MSRA: variants seen among roughly 807,000 people sequenced by gnomAD.
The protein encoded by MSRA is methionine sulfoxide reductase A, also known as mitochondrial peptide methionine sulfoxide reductase.
In MSRA, 54 loss-of-function variants were observed where a neutral mutation model predicts 31.3. The ratio of observed to expected loss-of-function variants is 1.73; its 90% CI spans 1.39 to 2.17. MSRA has a LOEUF of 2.17. Ranked by LOEUF, MSRA falls within the 30% of genes most tolerant of loss-of-function variation. The pLI is 0.00. For missense variants in MSRA, 507 were observed against 300.9 expected, an observed-to-expected ratio of 1.69 and a Z score of -5.07; for synonymous variants, 169 against 116.5, an observed-to-expected ratio of 1.45 and a Z score of -2.90.
chr8:10,215,153 A>G (rs1809875427), intron 2 of MSRA, among the ~76,000 whole-genome samples: 1 of 152,196 alleles, frequency 6.6e-6, no homozygotes, highest in South Asian at 2.1e-4. Flanking sequence ...TTGTATAGAG[A>G]TCACTTATCC....
At chr8:10,358,114 A>G (rs898877840) in intron 5 of MSRA, among the ~76,000 whole-genome samples, 1 of 152,034 alleles carries the variant, frequency 6.6e-6, no homozygotes, top group African/African-American at 2.4e-5. Context: ...TCATTAGTGG[A>G]GACGGGGTTT....
chr8:10,127,471 G>T (rs1278863436), intron 1 of MSRA, among the ~76,000 whole-genome samples: 1 of 152,174 alleles, frequency 6.6e-6, no homozygotes. Context: ...ATCCTTGTTT[G>T]CATAACCTAC....
In MSRA at chr8:10,132,180, G is replaced by A. The variant is rs146305468; in HGVS notation, c.143-75653G>A. 1.6e-3 allele frequency among the ~76,000 whole-genome samples: 241 copies of A among 152,290 alleles called. 2 individuals are homozygous for A. The highest frequency in any genetic ancestry group is 0.011 in the Admixed American group (173 of 15,288). ...CAATGAGGTGATATTGGTCCTGATC[G>A]TTCTGTAAATTGGAGATTTTGCCCG... On this transcript the variant is annotated intron_variant, in intron 1 of 5. Coordinates refer to ENST00000317173, the MANE Select transcript of MSRA (RefSeq NM_012331.5).
chr8:10,366,408 C>T (rs1805169369), intron 5 of MSRA, among the ~76,000 whole-genome samples: 1 of 152,262 alleles, frequency 6.6e-6, no homozygotes, highest in Non-Finnish European at 1.5e-5. Context: ...GGCCCTGAGC[C>T]AGGCCTTGTG....
intron 5 of MSRA, among the ~76,000 whole-genome samples, chr8:10,357,944 T>A (rs1804604714): frequency 6.6e-6 from 1 of 152,204 alleles, no homozygotes; most frequent in Non-Finnish European, 1.5e-5. Context: ...TTTTTTGAAA[T>A]GGAGTTTTAC....
rs553139290 is a variant in MSRA, at chr8:10,305,157, G to A, written c.436+3519G>A. Among the ~76,000 whole-genome samples the A allele has an allele frequency of 3.8e-4, 58 of 152,254 alleles. No homozygotes were observed. The South Asian group carries it at 5.2e-3, about 14-fold the overall frequency. On this transcript the variant is annotated intron_variant, in intron 4 of 5. Transcript: ENST00000317173. ...TAAATTTTTTTGGTTATAATTCACT[G>A]CATTTTATAGGAGAAGCAGTATCTA...
At position 10,428,226 on chromosome 8, in the gene MSRA, C is replaced by A. The variant is rs755860421; in HGVS notation, c.622C>A (p.His208Asn). The change falls in exon 6 of 6, where the codon CAC becomes AAC. Residue 208 changes from histidine to asparagine, a missense_variant. His to Asn is a moderately conservative substitution (Grantham distance 68). Transcript: ENST00000317173. ...GQTFYYAEDYHQQYLSKNPNG... is the reference protein window; with the variant it reads ...GQTFYYAEDYNQQYLSKNPNG... The stretch of plus-strand genomic sequence containing the variant: ...GACTTTCTACTATGCGGAAGACTAC[C>A]ACCAGCAGTACCTGAGCAAGAACCC... The A allele has an allele frequency of 1.2e-6, 2 of 1,614,216 alleles. No individual in the cohort carries two copies. The highest frequency in any genetic ancestry group is 1.7e-6 in the Non-Finnish European group (2 of 1,180,036).
chr8:10,260,399 T>A (rs1260187583), intron 3 of MSRA, among the ~76,000 whole-genome samples: 2 of 152,040 alleles, frequency 1.3e-5, no homozygotes, highest in Admixed American at 6.6e-5. Flanking sequence ...GAGCAAAGTT[T>A]CCACAGAGGA....
Position 10,322,811 on chromosome 8 carries a change from G to A in MSRA, c.543+2822G>A, listed in dbSNP as rs550750260. On this transcript the variant is annotated intron_variant, in intron 5 of 5. Coordinates refer to ENST00000317173, the MANE Select transcript of MSRA (RefSeq NM_012331.5). Reference sequence around the variant, plus strand: ...AAGTAATGAGATAAAAGCAGAAGAGGCAGGGCACAGTGACTCACGCCTCTA... The same window carrying A: ...AAGTAATGAGATAAAAGCAGAAGAGACAGGGCACAGTGACTCACGCCTCTA... Among the ~76,000 whole-genome samples, 12 of 152,302 alleles carry A rather than the reference G, an allele frequency of 7.9e-5. No homozygotes were observed. The South Asian group carries it at 1.0e-3, about 13-fold the overall frequency.
At chr8:10,269,298 A>G (rs947216457) in intron 3 of MSRA, among the ~76,000 whole-genome samples, 6 of 152,240 alleles carry the variant, frequency 3.9e-5, no homozygotes, top group African/African-American at 1.2e-4. Context: ...CCCTTTGTCA[A>G]CTATTCTTCA....
chr8:10,339,343 A>G (rs1022998164), intron 5 of MSRA, among the ~76,000 whole-genome samples: 1 of 152,128 alleles, frequency 6.6e-6, no homozygotes, highest in Non-Finnish European at 1.5e-5. Flanking sequence ...TTGAAATTAG[A>G]CTTGACCTTG....
intron 3 of MSRA, among the ~76,000 whole-genome samples, chr8:10,273,040 G>A (rs758089336): frequency 5.9e-5 from 9 of 152,164 alleles, no homozygotes; most frequent in Non-Finnish European, 7.4e-5. Context: ...AAAGTAGACC[G>A]TGTAACAGCA....
chr8:10,128,830 T>A (rs1801684102), intron 1 of MSRA, among the ~76,000 whole-genome samples: 2 of 152,246 alleles, frequency 1.3e-5, no homozygotes, highest in Admixed American at 6.5e-5. Context: ...ACTAAATGTT[T>A]ACGTTGCAAT....
intron 1 of MSRA, among the ~76,000 whole-genome samples, chr8:10,163,894 T>A (rs939078280): frequency 1.3e-5 from 2 of 152,354 alleles, no homozygotes; most frequent in Admixed American, 1.3e-4. Context: ...CGGCTGTTGC[T>A]GGCCCACAGC....
At chr8:10,115,342 A>T (rs1445092251) in intron 1 of MSRA, among the ~76,000 whole-genome samples, 1 of 152,222 alleles carries the variant, frequency 6.6e-6, no homozygotes, top group African/African-American at 2.4e-5. Context: ...GCCATTGAAG[A>T]CTTGGACAGA....
chr8:10,077,752 C>G (rs947851825), intron 1 of MSRA, among the ~76,000 whole-genome samples: 1 of 152,146 alleles, frequency 6.6e-6, no homozygotes, highest in African/African-American at 2.4e-5. Flanking sequence ...ACAGTCCTGT[C>G]CTTCTGGAAG....
At chr8:10,377,897 T>A (rs781272095) in intron 5 of MSRA, among the ~76,000 whole-genome samples, 5 of 152,212 alleles carry the variant, frequency 3.3e-5, no homozygotes, top group African/African-American at 4.8e-5. Flanking sequence ...TCCCTGGCAG[T>A]GCAGGCCCCC....
At chr8:10,213,706 A>G (rs1809728902) in intron 2 of MSRA, among the ~76,000 whole-genome samples, 1 of 151,604 alleles carries the variant, frequency 6.6e-6, no homozygotes, top group Admixed American at 6.6e-5. Context: ...CAGGTACCAC[A>G]TTTTCTTTGC....
chr8:10,354,652 GTAT>G (rs1804397968), intron 5 of MSRA, among the ~76,000 whole-genome samples: 1 of 150,794 alleles, frequency 6.6e-6, no homozygotes, highest in Non-Finnish European at 1.5e-5. Context: ...ATCGGTGAAG[GTAT>G]TATCAGTGAA....
Sources: gnomAD v4.1 joint callset for allele counts (sites outside exome capture counted in the v4.1 genomes callset) on GRCh38, gnomAD v4.1.1 for gene constraint, MANE v1.5 for transcripts, NCBI Gene and HGNC (gene_info 2026-07-23, HGNC 2026-07-21) for gene names.